The following ZSCAN4 variants were observed in gnomAD, a reference collection of about 807,000 sequenced individuals.
The protein encoded by ZSCAN4 is zinc finger and SCAN domain-containing protein 4.
A neutral mutation model predicts 18.3 loss-of-function variants in ZSCAN4; 18 were observed. That is an observed-to-expected ratio of 0.98 (90% CI 0.68 to 1.46). The LOEUF (loss-of-function observed/expected upper bound fraction) is 1.46, where lower values mean the gene tolerates loss of function less well. Among genes scored for constraint, ZSCAN4 ranks in the 40% most tolerant of loss-of-function variants. The probability of loss-of-function intolerance (pLI) is 0.00; values close to 1 mark genes in which losing one functional copy is unlikely to be tolerated. For missense variants in ZSCAN4, 498 were observed against 511.4 expected (o/e 0.97, Z 0.25); for synonymous variants, 193 against 180.3 (o/e 1.07, Z -0.57).
chr19:57,656,303 T>G, the ZSCAN4 span, among the ~76,000 whole-genome samples: 14,585 of 152,124 alleles, frequency 0.096, 1,455 homozygotes, highest in African/African-American at 0.25. Flanking sequence ...CAGACATCCC[T>G]CATACACCCA....
chr19:57,669,058 C>CTTTTTTTTTTTTTTTTTTTTTTTTTCT (rs111969859), exon 1 of ZSCAN4: 1 of 68,602 alleles, frequency 1.5e-5, no homozygotes, highest in Non-Finnish European at 2.9e-5. Flanking sequence ...TTATATTTTC[C>CTTTTTTTTTTTTTTTTTTTTTTTTTCT]TTTTTTTTTT....
chr19:57,656,039 A>C, the ZSCAN4 span, among the ~76,000 whole-genome samples: 1 of 152,174 alleles, frequency 6.6e-6, no homozygotes, highest in East Asian at 1.9e-4. Context: ...GTAAGTATGC[A>C]TACCACATTC....
At chr19:57,655,890 T>G in the ZSCAN4 span, among the ~76,000 whole-genome samples, 20 of 152,180 alleles carry the variant, frequency 1.3e-4, no homozygotes, top group Non-Finnish European at 2.6e-4. Flanking sequence ...TGCAGCAGGC[T>G]ACACCATCGT....
At chr19:57,665,376 C>G (rs537040615), upstream of ZSCAN4, among the ~76,000 whole-genome samples, 1 of 152,310 alleles carries the variant, frequency 6.6e-6, no homozygotes, top group East Asian at 1.9e-4. Flanking sequence ...AATCCCGCAG[C>G]ACACCCCTTA....
chr19:57,652,112 C>T, the ZSCAN4 span, among the ~76,000 whole-genome samples: 1 of 152,148 alleles, frequency 6.6e-6, no homozygotes, highest in Non-Finnish European at 1.5e-5. Context: ...CCACCCCACA[C>T]ACCTATCTCA....
the ZSCAN4 span, among the ~76,000 whole-genome samples, chr19:57,660,254 C>G: frequency 2.0e-4 from 27 of 132,576 alleles, no homozygotes; most frequent in Non-Finnish European, 4.8e-4. Context: ...GTTTATATAG[C>G]AGGAAGGTCA....
At chr19:57,675,443 C>T (rs946769087) in intron 2 of ZSCAN4, among the ~76,000 whole-genome samples, 17 of 152,090 alleles carry the variant, frequency 1.1e-4, no homozygotes, top group African/African-American at 3.9e-4. Context: ...CAACCACACC[C>T]GGCAAGTTTT....
exon 5 of ZSCAN4, chr19:57,678,650 C>A: frequency 6.2e-7 from 1 of 1,614,086 alleles, no homozygotes; most frequent in Non-Finnish European, 8.5e-7. Context: ...AAAAAGGCTT[C>A]TTCCAGATAT....
chr19:57,666,698 A>G (rs2122281179), upstream of ZSCAN4, among the ~76,000 whole-genome samples: 1 of 152,250 alleles, frequency 6.6e-6, no homozygotes, highest in East Asian at 1.9e-4. Context: ...ATCCTGGCCA[A>G]CATGGTGAAA....
intron 2 of ZSCAN4, among the ~76,000 whole-genome samples, chr19:57,675,101 C>A (rs1296342046): frequency 6.8e-6 from 1 of 147,796 alleles, no homozygotes; most frequent in Middle Eastern, 3.4e-3. Flanking sequence ...TTTACAGGCA[C>A]GTGCCACCAT....
At chr19:57,657,293 C>CAA in the ZSCAN4 span, among the ~76,000 whole-genome samples, 148 of 95,068 alleles carry the variant, frequency 1.6e-3, no homozygotes, top group Non-Finnish European at 2.3e-3. Context: ...GACTCCATGT[C>CAA]AAAAAAAAAA....
exon 5 of ZSCAN4, chr19:57,679,018 C>T (rs2122315133): frequency 8.0e-7 from 1 of 1,255,152 alleles, no homozygotes; most frequent in East Asian, 2.7e-5. Flanking sequence ...AATTTATTGT[C>T]TTGCTTCATT....
At chr19:57,656,778 A>G in the ZSCAN4 span, among the ~76,000 whole-genome samples, 25 of 152,268 alleles carry the variant, frequency 1.6e-4, no homozygotes, top group Admixed American at 1.6e-3. Context: ...AAAAATAGGC[A>G]AAAGTTCAAG....
At chr19:57,667,879 T>G (rs1049526788), upstream of ZSCAN4, among the ~76,000 whole-genome samples, 1 of 145,950 alleles carries the variant, frequency 6.9e-6, no homozygotes, top group African/African-American at 2.5e-5. Context: ...TTTCATTGTT[T>G]TTTTTTTGTT....
At chr19:57,663,783 A>G in the ZSCAN4 span, among the ~76,000 whole-genome samples, 1 of 151,878 alleles carries the variant, frequency 6.6e-6, no homozygotes, top group Non-Finnish European at 1.5e-5. Flanking sequence ...TGCATGCTTT[A>G]AATTTTGATT....
Position 57,676,037 on chromosome 19 carries a change from C to A in ZSCAN4, c.-105-4C>A. 1 of 1,111,420 alleles carries A rather than the reference C, an allele frequency of 9.0e-7. No homozygotes were observed. Among genetic ancestry groups the A allele is most frequent in the Non-Finnish European group, 1.3e-6 (1 of 797,066 alleles). The allele number at this position is 1,111,420 out of a possible 1,614,324, so 68.8% of individuals were successfully genotyped here. A position where few individuals can be genotyped will look rare whatever the true frequency, so the allele number is the denominator to read the frequency against. The stretch of plus-strand genomic sequence containing the variant: ...TTAATTACTCATCTCTTTTCTATTT[C>A]TAGCTTGCAGTTTTAAAGAATCCAC... On this transcript the variant is annotated splice_polypyrimidine_tract_variant and splice_region_variant and intron_variant, in intron 2 of 4. Transcript: ENST00000318203.
At chr19:57,673,641 C>A (rs77848297) in intron 2 of ZSCAN4, among the ~76,000 whole-genome samples, 3,310 of 152,168 alleles carry the variant, frequency 0.022, 130 homozygotes, top group African/African-American at 0.076. Flanking sequence ...CAAAATAAAT[C>A]AAGTTTGCAC....
At chr19:57,653,824 C>T in the ZSCAN4 span, among the ~76,000 whole-genome samples, 24 of 152,300 alleles carry the variant, frequency 1.6e-4, no homozygotes, top group South Asian at 3.1e-3. Context: ...CCCTCAAAAC[C>T]TTGCCCCATC....
intron 2 of ZSCAN4, among the ~76,000 whole-genome samples, chr19:57,672,171 A>C (rs1486952047): frequency 1.3e-5 from 2 of 152,210 alleles, no homozygotes; most frequent in African/African-American, 4.8e-5. Flanking sequence ...CCTAAACATC[A>C]GTAGGAAAGG....
Sources: gnomAD v4.1 joint callset for allele counts (sites outside exome capture counted in the v4.1 genomes callset) on GRCh38, gnomAD v4.1.1 for gene constraint, MANE v1.5 for transcripts, NCBI Gene and HGNC (gene_info 2026-07-23, HGNC 2026-07-21) for gene names.